The following CELF2 variants were observed in gnomAD, a reference collection of about 807,000 sequenced individuals.
CELF2 encodes CUG triplet repeat RNA-binding protein 2.
Under a neutral mutation model 62.6 loss-of-function variants are expected in CELF2, and 8 were observed. The observed-to-expected ratio is 0.13, with a 90% CI of 0.07 to 0.23. The LOEUF is 0.23. CELF2 is among the 10% of genes least tolerant of loss of function. The probability of loss-of-function intolerance (pLI) is 1.00; values close to 1 mark genes in which losing one functional copy is unlikely to be tolerated. For synonymous variants in CELF2, 258 were observed against 250.0 expected (o/e 1.03, Z -0.30); for missense variants, 333 against 671.0 (o/e 0.50, Z 5.56).
the CELF2 span, among the ~76,000 whole-genome samples, chr10:10,694,122 C>A: frequency 6.6e-6 from 1 of 151,130 alleles, no homozygotes; most frequent in South Asian, 2.1e-4. Context: ...AATTTTGGAT[C>A]TTTCCTGCTT....
chr10:11,250,016 T>A (rs2076672895), intron 4 of CELF2, among the ~76,000 whole-genome samples: 1 of 152,228 alleles, frequency 6.6e-6, no homozygotes, highest in Non-Finnish European at 1.5e-5. Context: ...TAATTAGTAA[T>A]CAGGGCAGAA....
chr10:11,134,947 T>A (rs920084178), intron 1 of CELF2, among the ~76,000 whole-genome samples: 2 of 152,240 alleles, frequency 1.3e-5, no homozygotes, highest in African/African-American at 4.8e-5. Context: ...ATCCCCTACC[T>A]TGCAGTGTCT....
At chr10:10,758,643 A>G in the CELF2 span, among the ~76,000 whole-genome samples, 1 of 152,214 alleles carries the variant, frequency 6.6e-6, no homozygotes, top group African/African-American at 2.4e-5. Context: ...AAATAAATGT[A>G]CTAAATCAGT....
intron 5 of CELF2, among the ~76,000 whole-genome samples, chr10:11,263,880 C>G (rs1191519114): frequency 6.6e-6 from 1 of 152,206 alleles, no homozygotes; most frequent in Admixed American, 6.5e-5. Context: ...TTGCAAGAAA[C>G]AGTTGACTCT....
chr10:10,923,545 G>A (rs934092355), intron 2 of CELF2, among the ~76,000 whole-genome samples: 1 of 152,208 alleles, frequency 6.6e-6, no homozygotes, highest in Non-Finnish European at 1.5e-5. Flanking sequence ...ATGTGCCCAA[G>A]GTGCTTGAAC....
the CELF2 span, among the ~76,000 whole-genome samples, chr10:10,535,058 C>T: frequency 6.6e-6 from 1 of 152,214 alleles, no homozygotes; most frequent in Non-Finnish European, 1.5e-5. Flanking sequence ...TAGTTTACCT[C>T]CTGTTTTAAT....
the CELF2 span, among the ~76,000 whole-genome samples, chr10:10,680,335 A>C: frequency 6.6e-6 from 1 of 152,196 alleles, no homozygotes; most frequent in African/African-American, 2.4e-5. Context: ...AACTCACTAA[A>C]GTGCTCATAC....
At chr10:11,027,808 C>T (rs2059469491) in intron 1 of CELF2, among the ~76,000 whole-genome samples, 1 of 152,202 alleles carries the variant, frequency 6.6e-6, no homozygotes, top group Admixed American at 6.5e-5. Flanking sequence ...TCTCAGTTGA[C>T]TTGTCAAGAT....
chr10:10,950,605 T>C (rs2048214173), intron 2 of CELF2, among the ~76,000 whole-genome samples: 2 of 152,076 alleles, frequency 1.3e-5, no homozygotes, highest in Non-Finnish European at 2.9e-5. Flanking sequence ...TTCATGAGGG[T>C]GACATGAAGA....
chr10:11,265,411 A>G lies in CELF2; in HGVS notation c.539-1187A>G, dbSNP rs538656517. On this transcript the variant is annotated intron_variant, in intron 5 of 12. Coordinates refer to ENST00000633077, the MANE Select transcript of CELF2 (RefSeq NM_001326342.2). The stretch of plus-strand genomic sequence containing the variant: ...GAGTGGAACACTAAATTATTCTCTG[A>G]TACCTAAGTTCAAACTGTGCAAGGC... Among the ~76,000 whole-genome samples the G allele has an allele frequency of 7.2e-5, 11 of 152,380 alleles. No individual in the cohort carries two copies. In the East Asian group the frequency reaches 2.1e-3, roughly 29 times the overall value.
At chr10:10,590,679 C>G in the CELF2 span, among the ~76,000 whole-genome samples, 2 of 152,216 alleles carry the variant, frequency 1.3e-5, no homozygotes, top group Non-Finnish European at 2.9e-5. Context: ...AGCTCTGTCT[C>G]AGGTGTTCTC....
chr10:10,845,755 A>G (rs1318522022), intron 1 of CELF2, among the ~76,000 whole-genome samples: 1 of 152,142 alleles, frequency 6.6e-6, no homozygotes, highest in Non-Finnish European at 1.5e-5. Context: ...CATGCTGCTT[A>G]AATAAGATCT....
chr10:11,323,448 TAATAATAA>T (rs2095555514), intron 11 of CELF2, among the ~76,000 whole-genome samples: 1 of 148,698 alleles, frequency 6.7e-6, no homozygotes, highest in Non-Finnish European at 1.5e-5. Flanking sequence ...ATAATAATAA[TAATAATAA>T]TAATAATGAA....
the CELF2 span, among the ~76,000 whole-genome samples, chr10:10,478,356 G>T: frequency 5.9e-5 from 9 of 152,178 alleles, no homozygotes; most frequent in Non-Finnish European, 1.2e-4. Context: ...TACACATTTT[G>T]GATATTTGAT....
At chr10:11,116,903 C>T (rs77647884) in intron 1 of CELF2, among the ~76,000 whole-genome samples, 8,451 of 152,224 alleles carry the variant, frequency 0.056, 280 homozygotes, top group Middle Eastern at 0.065. Context: ...CTATTTTGAA[C>T]GGCTTACAGA....
intron 2 of CELF2, chr10:10,927,350 A>AAAAAAAAAAAAAAAAC (rs2065597160): frequency 7.0e-6 from 1 of 142,552 alleles, no homozygotes; most frequent in African/African-American, 2.6e-5. Flanking sequence ...TGACATTAAA[A>AAAAAAAAAAAAAAAAC]AAAAAAAAAA....
the CELF2 span, among the ~76,000 whole-genome samples, chr10:10,520,338 C>G: frequency 2.0e-5 from 3 of 152,124 alleles, no homozygotes; most frequent in African/African-American, 7.2e-5. Context: ...ATATCCAGAG[C>G]AAGATGACAC....
At chr10:11,265,531 GTTTTATTA>G (rs1471699253) in intron 5 of CELF2, among the ~76,000 whole-genome samples, 3 of 152,174 alleles carry the variant, frequency 2.0e-5, no homozygotes, top group African/African-American at 7.2e-5. Context: ...GTGTGCTGTG[GTTTTATTA>G]TAATATCAGC....
At chr10:10,788,341 A>G in the CELF2 span, among the ~76,000 whole-genome samples, 7 of 152,108 alleles carry the variant, frequency 4.6e-5, no homozygotes, top group Admixed American at 1.3e-4. Context: ...TTCTGATTAT[A>G]GAAAGAAATA....
Sources: gnomAD v4.1 joint callset for allele counts (sites outside exome capture counted in the v4.1 genomes callset) on GRCh38, gnomAD v4.1.1 for gene constraint, MANE v1.5 for transcripts, NCBI Gene and HGNC (gene_info 2026-07-23, HGNC 2026-07-21) for gene names.